The following RGS12 variants were observed in gnomAD, a reference collection of about 807,000 sequenced individuals.
The protein encoded by RGS12 is regulator of G-protein signaling 12.
RGS12 carries 66 observed loss-of-function variants against 120.1 expected under a neutral mutation model. That is an observed-to-expected ratio of 0.55 (90% confidence interval 0.45 to 0.67). RGS12 has a LOEUF of 0.67. Among genes scored for constraint, RGS12 ranks in the 30% least tolerant of loss-of-function variants. The pLI, the probability that RGS12 is intolerant of heterozygous loss-of-function variation, is 0.00. For missense variants in RGS12, 1,859 were observed against 1,957.7 expected, an observed-to-expected ratio of 0.95 and a Z score of 0.95; for synonymous variants, 827 against 804.7, an observed-to-expected ratio of 1.03 and a Z score of -0.47.
intron 2 of RGS12, among the ~76,000 whole-genome samples, chr4:3,323,683 A>C (rs1446386836): frequency 6.6e-6 from 1 of 152,192 alleles, no homozygotes; most frequent in Admixed American, 6.5e-5. Context: ...ATTTAATAAT[A>C]AGCTGGATTG....
intron 3 of RGS12, among the ~76,000 whole-genome samples, chr4:3,362,844 AGTGTGAGGGTGTGTGT>A (rs1456586082): frequency 4.8e-5 from 6 of 125,008 alleles, no homozygotes; most frequent in Non-Finnish European, 1.0e-4. Context: ...TGTGAGACTG[AGTGTGAGGGTGTGTGT>A]GTGCGAGGGT....
chr4:3,311,662 A>G (rs983765368), intron 1 of RGS12, among the ~76,000 whole-genome samples: 10 of 152,204 alleles, frequency 6.6e-5, no homozygotes, highest in African/African-American at 2.4e-4. Flanking sequence ...CAAAATTATC[A>G]AAAGTACCGC....
chr4:3,424,212 G>T (rs1196929132), intron 13 of RGS12, among the ~76,000 whole-genome samples: 1 of 152,252 alleles, frequency 6.6e-6, no homozygotes, highest in Non-Finnish European at 1.5e-5. Context: ...CCCCGCTGAG[G>T]GTGCTCTGGA....
chr4:3,344,299 G>A (rs1713578601), intron 3 of RGS12, among the ~76,000 whole-genome samples: 1 of 152,174 alleles, frequency 6.6e-6, no homozygotes, highest in Non-Finnish European at 1.5e-5. Context: ...TGCTGTATCT[G>A]GGCGGGCAGC....
rs1202648626 is a variant in RGS12 at position 3,425,458 on chromosome 4, C to T, written c.3235-6C>T. The T allele has an allele frequency of 1.2e-6, 2 of 1,610,058 alleles. No individual in the cohort carries two copies. The highest frequency in any genetic ancestry group is 1.7e-6 in the Non-Finnish European group (2 of 1,177,886). ...GTAAATTATTCAGTGCTGATCTCTG[C>T]CCTAGAGTGGAGAGAAGGAGCCCCT... On this transcript the variant is annotated splice_polypyrimidine_tract_variant and splice_region_variant and intron_variant, in intron 13 of 17. Transcript: ENST00000336727.
At chr4:3,320,475 A>G (rs568169483) in intron 2 of RGS12, among the ~76,000 whole-genome samples, 1 of 152,318 alleles carries the variant, frequency 6.6e-6, no homozygotes, top group East Asian at 1.9e-4. Context: ...TGAGGCCATC[A>G]GGCCAGGCGA....
At chr4:3,428,401 G>C in intron 15 of RGS12, 157 bp from the exon 16 acceptor site, 1 of 784,426 alleles carries the variant, frequency 1.3e-6, no homozygotes, top group Admixed American at 2.7e-5. Context: ...TGCTATTCTT[G>C]TTTGTAATCC....
upstream of RGS12, among the ~76,000 whole-genome samples, chr4:3,290,546 G>T (rs1005928935): frequency 2.6e-5 from 4 of 152,376 alleles, no homozygotes; most frequent in East Asian, 5.8e-4. Flanking sequence ...GTGTTGGAAT[G>T]TGGGGGGACG....
At chr4:3,379,000 G>T (rs981582106) in intron 3 of RGS12, among the ~76,000 whole-genome samples, 1 of 131,248 alleles carries the variant, frequency 7.6e-6, no homozygotes, top group African/African-American at 2.8e-5. Context: ...TAAAGGAAAT[G>T]TGCGATGTGT....
At position 3,313,445 on chromosome 4, in the gene RGS12, C is replaced by T. The variant is rs958409116; in HGVS notation, c.-101-2625C>T. On this transcript the variant is annotated intron_variant, in intron 1 of 17. Coordinates refer to ENST00000336727, the MANE Select transcript of RGS12 (RefSeq NM_001394154.1). ...TGAGCGTGCTTTAGTGAGACCGTTT[C>T]ACGCATGTCCTGCTTTCCCTCTCCC... Among the ~76,000 whole-genome samples, 13 of 152,350 alleles carry T rather than the reference C, an allele frequency of 8.5e-5. 1 individual carries two copies. Among genetic ancestry groups the T allele is most frequent in the South Asian group, 6.2e-4 (3 of 4,828 alleles).
intron 3 of RGS12, among the ~76,000 whole-genome samples, chr4:3,349,627 G>A (rs1433042305): frequency 6.6e-6 from 1 of 151,642 alleles, no homozygotes; most frequent in Non-Finnish European, 1.5e-5. Context: ...CGTATACTTT[G>A]TATACTGAAA....
chr4:3,387,559 C>T (rs988146880), intron 4 of RGS12, among the ~76,000 whole-genome samples: 3 of 152,158 alleles, frequency 2.0e-5, no homozygotes, highest in South Asian at 2.1e-4. Context: ...TCCCGACACT[C>T]GTGTGGTGGA....
intron 10 of RGS12, among the ~76,000 whole-genome samples, chr4:3,421,866 C>A (rs1448114845): frequency 6.6e-6 from 1 of 152,258 alleles, no homozygotes; most frequent in Non-Finnish European, 1.5e-5. Context: ...ACTTGTGCAG[C>A]CAGCCTACCA....
intron 11 of RGS12, 118 bp downstream of exon 11, chr4:3,422,688 C>G: frequency 2.5e-6 from 3 of 1,222,880 alleles, no homozygotes; most frequent in Non-Finnish European, 3.4e-6. Context: ...TTCAACAGCG[C>G]CTGGGGCGGA....
intron 3 of RGS12, among the ~76,000 whole-genome samples, chr4:3,353,479 A>G (rs757777329): frequency 2.0e-5 from 3 of 152,140 alleles, no homozygotes; most frequent in Non-Finnish European, 2.9e-5. Context: ...GACTGGTATG[A>G]GTTAACTTGG....
At chr4:3,413,818 G>C in intron 4 of RGS12, 1 of 480,734 alleles carries the variant, frequency 2.1e-6, no homozygotes, top group East Asian at 3.1e-5. Context: ...CTGCACATGT[G>C]AACATGTGTG....
Position 3,317,117 on chromosome 4 carries a change from C to T in RGS12, c.947C>T (p.Thr316Ile). Residue 316 changes from threonine to isoleucine, a missense_variant, in exon 2 of 18, where the codon ACC becomes ATC. Around this residue, in one of 3 missense-constraint regions of RGS12, gnomAD observed 967 missense variants for 994.2 expected, o/e 0.97. Transcript: ENST00000336727. Reference sequence around the variant, plus strand: ...GACCGGCGATTTTTCGGGTTGGTTACCATGCAGACGAATGACGACGGGAGC... The same window carrying T: ...GACCGGCGATTTTTCGGGTTGGTTATCATGCAGACGAATGACGACGGGAGC... ...PDDRRFFGLV[T>I]MQTNDDGSLA... 6.2e-7 allele frequency: 1 copy of T among 1,613,852 alleles called. No homozygotes were observed. The highest frequency in any genetic ancestry group is 8.5e-7 in the Non-Finnish European group (1 of 1,180,034).
chr4:3,393,753 C>G (rs73795545), intron 4 of RGS12, among the ~76,000 whole-genome samples: 11,467 of 152,264 alleles, frequency 0.075, 1,104 homozygotes, highest in African/African-American at 0.23. Context: ...CAGGTGCTCT[C>G]CCACGGCAGA....
At chr4:3,316,036 C>T (rs1048404153) in intron 1 of RGS12, 34 bp from the exon 2 acceptor site, 1 of 828,794 alleles carries the variant, frequency 1.2e-6, no homozygotes, top group African/African-American at 1.7e-5. Context: ...AAGATGGGCT[C>T]TTTAATAATG....
Sources: allele counts gnomAD v4.1 joint callset (sites outside exome capture counted in the v4.1 genomes callset), GRCh38; gene constraint gnomAD v4.1.1; regional missense constraint gnomAD v4.1.1; transcripts MANE v1.5; gene names NCBI Gene and HGNC (gene_info 2026-07-23, HGNC 2026-07-21).